Variants in RBFOX1 observed in about 807,000 individuals in gnomAD.
The protein encoded by RBFOX1 is RNA binding fox-1 homolog 1.
A neutral mutation model predicts 57.7 loss-of-function variants in RBFOX1; 8 were observed. The observed-to-expected ratio is 0.14, with a 90% CI of 0.08 to 0.25. The LOEUF is 0.25. Ranked by LOEUF, RBFOX1 falls within the 10% of genes least tolerant of loss-of-function variation. The probability of loss-of-function intolerance (pLI) is 1.00; values close to 1 mark genes in which losing one functional copy is unlikely to be tolerated. For synonymous variants in RBFOX1, 326 were observed against 222.4 expected (o/e 1.47, Z -4.15); for missense variants, 611 against 548.5 (o/e 1.11, Z -1.14).
chr16:7,101,559 A>T (rs1265564477), intron 4 of RBFOX1, among the ~76,000 whole-genome samples: 2 of 152,178 alleles, frequency 1.3e-5, no homozygotes, highest in Non-Finnish European at 1.5e-5. Flanking sequence ...GGCAGATCAC[A>T]TATTGAACAG....
intron 14 of RBFOX1, among the ~76,000 whole-genome samples, chr16:7,696,267 C>G (rs3785199): frequency 0.23 from 34,970 of 152,062 alleles, 4,246 homozygotes; most frequent in East Asian, 0.48. Flanking sequence ...TCACTTGGGA[C>G]TAGGCTTTTA....
intron 3 of RBFOX1, among the ~76,000 whole-genome samples, chr16:6,839,345 C>G (rs1363079655): frequency 6.6e-6 from 1 of 152,178 alleles, no homozygotes; most frequent in Non-Finnish European, 1.5e-5. Flanking sequence ...TACTATTAAC[C>G]CCACTGACTC....
At chr16:7,321,568 G>C (rs2096546001) in intron 4 of RBFOX1, among the ~76,000 whole-genome samples, 1 of 152,186 alleles carries the variant, frequency 6.6e-6, no homozygotes, top group Non-Finnish European at 1.5e-5. Context: ...CAAGTTACTT[G>C]ACCACTCTGT....
At chr16:6,723,125 G>A (rs746755127) in intron 3 of RBFOX1, among the ~76,000 whole-genome samples, 3 of 152,152 alleles carry the variant, frequency 2.0e-5, no homozygotes, top group Non-Finnish European at 4.4e-5. Context: ...TGTTTGTCTT[G>A]GTTGCTGATG....
intron 3 of RBFOX1, among the ~76,000 whole-genome samples, chr16:5,757,422 G>T (rs543167276): frequency 6.6e-6 from 1 of 151,862 alleles, no homozygotes; most frequent in Non-Finnish European, 1.5e-5. Flanking sequence ...AGTAGAGACG[G>T]GGTTTCACCA....
chr16:5,385,027 C>A (rs545035737), intron 1 of RBFOX1, among the ~76,000 whole-genome samples: 5 of 152,230 alleles, frequency 3.3e-5, no homozygotes, highest in African/African-American at 1.2e-4. Flanking sequence ...TTTCATAGGT[C>A]GTAATGGGTG....
chr16:6,452,115 G>GAT (rs2094641776), intron 2 of RBFOX1, among the ~76,000 whole-genome samples: 2 of 136,734 alleles, frequency 1.5e-5, no homozygotes, highest in Admixed American at 7.4e-5. Context: ...TCCATCCATG[G>GAT]CTCCTTCCTT....
intron 3 of RBFOX1, among the ~76,000 whole-genome samples, chr16:6,923,083 C>T (rs1164326739): frequency 6.6e-6 from 1 of 152,136 alleles, no homozygotes; most frequent in Non-Finnish European, 1.5e-5. Flanking sequence ...TACCCCTAAG[C>T]CCAGAAGGCA....
At chr16:6,152,260 T>A (rs2096802763) in intron 1 of RBFOX1, among the ~76,000 whole-genome samples, 2 of 152,222 alleles carry the variant, frequency 1.3e-5, no homozygotes, top group Admixed American at 1.3e-4. Context: ...AGGAAGAAGC[T>A]GAGGACAGCT....
At chr16:7,603,131 A>G (rs1469086089) in intron 9 of RBFOX1, among the ~76,000 whole-genome samples, 1 of 152,144 alleles carries the variant, frequency 6.6e-6, no homozygotes, top group African/African-American at 2.4e-5. Context: ...AGTAATTTCA[A>G]CTAAGCAACC....
Position 6,916,735 on chromosome 16 carries a change from G to A in RBFOX1, c.-15-135322G>A, listed in dbSNP as rs1019966110. On this transcript the variant is annotated intron_variant, in intron 3 of 15. Transcript: ENST00000550418. ...ACTTAAAAACTCTTGCATAAGCTCG[G>A]ATTACTTCCAGCTTTTTTCTACCAC... 5.3e-5 allele frequency among the ~76,000 whole-genome samples: 8 copies of A among 152,064 alleles called. No homozygotes were observed. The South Asian group carries it at 1.7e-3, about 32-fold the overall frequency.
chr16:6,853,926 G>A (rs2057321266), intron 3 of RBFOX1, among the ~76,000 whole-genome samples: 1 of 152,124 alleles, frequency 6.6e-6, no homozygotes, highest in Non-Finnish European at 1.5e-5. Context: ...CTCTTCCTGG[G>A]TAGTAGCCTG....
chr16:5,517,244 T>G (rs1186696811), intron 2 of RBFOX1, among the ~76,000 whole-genome samples: 2 of 152,218 alleles, frequency 1.3e-5, no homozygotes, highest in East Asian at 3.9e-4. Context: ...AGAGCCTGGA[T>G]GTAGATCTGG....
At chr16:5,885,288 C>A (rs1000336285) in intron 4 of RBFOX1, among the ~76,000 whole-genome samples, 1 of 150,852 alleles carries the variant, frequency 6.6e-6, no homozygotes, top group Admixed American at 6.6e-5. Flanking sequence ...TGTGTTCTTA[C>A]CCAGAATGTC....
chr16:5,816,413 G>T (rs1017655439), intron 3 of RBFOX1, among the ~76,000 whole-genome samples: 3 of 152,260 alleles, frequency 2.0e-5, no homozygotes, highest in East Asian at 3.9e-4. Context: ...CTTGACCAAG[G>T]ATGACACTGA....
chr16:5,395,644 C>A (rs1325718262), intron 1 of RBFOX1, among the ~76,000 whole-genome samples: 1 of 152,198 alleles, frequency 6.6e-6, no homozygotes, highest in Non-Finnish European at 1.5e-5. Flanking sequence ...TGATCCCCTC[C>A]CGTTGCATGT....
intron 4 of RBFOX1, among the ~76,000 whole-genome samples, chr16:7,107,955 C>T (rs2063909071): frequency 1.3e-5 from 2 of 150,344 alleles, no homozygotes; most frequent in African/African-American, 4.9e-5. Context: ...TTCTTATCTC[C>T]ATTATTATTT....
In RBFOX1 at chr16:5,956,082, C is replaced by G. The variant is rs185950394; in HGVS notation, c.351+88747C>G. ...CACAAGAGCAGGAGTTCAAGACCAGCCTGGCCAACATGGTGAAACCCCATC... is the reference window on the plus strand; with the variant it reads ...CACAAGAGCAGGAGTTCAAGACCAGGCTGGCCAACATGGTGAAACCCCATC... On this transcript the variant is annotated intron_variant, in intron 4 of 19. Coordinates refer to the RBFOX1 transcript ENST00000641259. Among the ~76,000 whole-genome samples, 3 of 152,186 alleles carry G rather than the reference C, an allele frequency of 2.0e-5. No individual in the cohort carries two copies. In the East Asian group the frequency reaches 5.8e-4, roughly 30 times the overall value.
At chr16:6,876,016 T>A (rs926548539) in intron 3 of RBFOX1, among the ~76,000 whole-genome samples, 3 of 150,678 alleles carry the variant, frequency 2.0e-5, no homozygotes, top group Non-Finnish European at 3.0e-5. Flanking sequence ...TAATTCCATT[T>A]AAAAAAAATA....
Sources: gnomAD v4.1 joint callset for allele counts (sites outside exome capture counted in the v4.1 genomes callset) on GRCh38, gnomAD v4.1.1 for gene constraint, MANE v1.5 for transcripts, NCBI Gene and HGNC (gene_info 2026-07-23, HGNC 2026-07-21) for gene names.